The following DMD variants were observed in gnomAD, a reference collection of about 807,000 sequenced individuals.
DMD encodes dystrophin.
A neutral mutation model predicts 330.1 loss-of-function variants in DMD; 63 were observed. The observed-to-expected ratio is 0.19, with a 90% CI of 0.16 to 0.24. DMD has a LOEUF of 0.24. Ranked by LOEUF, DMD falls within the 10% of genes least tolerant of loss-of-function variation. DMD has a pLI of 1.00. For missense variants in DMD, 3,344 were observed against 2,684.1 expected (o/e 1.25, Z -5.43); for synonymous variants, 1,223 against 959.8 (o/e 1.27, Z -5.07).
rs1569292906 is a variant in DMD, at chrX:31,721,702, C to CCA, written c.7660+7928_7660+7929insTG. Among the ~76,000 whole-genome samples, 279 of 57,765 alleles carry CCA rather than the reference C, an allele frequency of 4.8e-3. 4 individuals carry two copies. The highest frequency in any genetic ancestry group is 0.022 in the African/African-American group (269 of 12,336). The allele number at this position is 57,765 out of a possible 115,157, so 50.2% of individuals were successfully genotyped here. A position where few individuals can be genotyped will look rare whatever the true frequency, so the allele number is the denominator to read the frequency against. ...TCTCTCTCACTCTCTCTCTCTCTCT[C>CCA]TCTCTCTCTCTCTCTCTATATATAT... On this transcript the variant is annotated intron_variant, in intron 52 of 78. Transcript: ENST00000357033.
intron 41 of DMD, among the ~76,000 whole-genome samples, chrX:32,312,722 A>G (rs1217625648): frequency 9.2e-6 from 1 of 108,240 alleles, no homozygotes; most frequent in South Asian, 4.2e-4. Context: ...AAGAGGCACA[A>G]TAAAAAATGA....
rs190816983 is a variant in DMD, at chrX:31,172,644, C to T, written c.10329-231G>A. Among the ~76,000 whole-genome samples, 3 of 111,761 alleles carry T rather than the reference C, an allele frequency of 2.7e-5. No individual in the cohort carries two copies. In the Admixed American group the frequency reaches 2.8e-4, roughly 11 times the overall value. On this transcript the variant is annotated intron_variant, in intron 72 of 78. Coordinates refer to ENST00000357033, the MANE Select transcript of DMD (RefSeq NM_004006.3). Reference sequence around the variant, plus strand: ...AGAAATTCTAAGGAAAGTTATATTTCACTGTTTTCCCCCTACAGATCAGTC... The same window carrying T: ...AGAAATTCTAAGGAAAGTTATATTTTACTGTTTTCCCCCTACAGATCAGTC...
rs751540414 is a variant in DMD at position 33,042,164 on chromosome X, C to G, written c.32-21964G>C. 6.3e-5 allele frequency among the ~76,000 whole-genome samples: 7 copies of G among 111,701 alleles called. No homozygotes were observed. The South Asian group carries it at 2.6e-3, about 42-fold the overall frequency. ...AAGAGAACTTTTGTAATTGTAACAACCTCTGCTATATGACTAAACACTGAG... is the reference window on the plus strand; with the variant it reads ...AAGAGAACTTTTGTAATTGTAACAAGCTCTGCTATATGACTAAACACTGAG... On this transcript the variant is annotated intron_variant, in intron 1 of 78. Coordinates refer to ENST00000357033, the MANE Select transcript of DMD (RefSeq NM_004006.3).
intron 43 of DMD, among the ~76,000 whole-genome samples, chrX:32,257,850 C>G (rs1427813820): frequency 9.0e-6 from 1 of 110,714 alleles, no homozygotes; most frequent in East Asian, 2.8e-4. Context: ...TTCTACACTG[C>G]AAAAGAAACT....
At position 31,169,428 on chromosome X, in the gene DMD, A is replaced by G. The variant is rs2039768022; in HGVS notation, c.10553+15T>C. On this transcript the variant is annotated intron_variant, in intron 74 of 78. Coordinates refer to ENST00000357033, the MANE Select transcript of DMD (RefSeq NM_004006.3). Reference sequence around the variant, plus strand: ...CACTCTGCATACCAATGACAAAGCTAGAAAGAAAACTCACCTGTTTTCTTC... The same window carrying G: ...CACTCTGCATACCAATGACAAAGCTGGAAAGAAAACTCACCTGTTTTCTTC... 8.4e-7 allele frequency: 1 copy of G among 1,189,175 alleles called. No homozygotes were observed.
At chrX:32,922,882 G>A (rs2088580148) in intron 2 of DMD, among the ~76,000 whole-genome samples, 1 of 112,244 alleles carries the variant, frequency 8.9e-6, no homozygotes, top group South Asian at 3.7e-4. Flanking sequence ...ATCTTACACT[G>A]TATTGTAGAG....
chrX:32,741,064 A>G (rs760144741), intron 7 of DMD, among the ~76,000 whole-genome samples: 1 of 111,747 alleles, frequency 8.9e-6, no homozygotes, highest in African/African-American at 3.2e-5. Flanking sequence ...CCTTTAGAAA[A>G]TAAGTGACTC....
intron 26 of DMD, among the ~76,000 whole-genome samples, 199 bp from the exon 27 acceptor site, chrX:32,448,837 A>G (rs1303770140): frequency 9.0e-6 from 1 of 111,241 alleles, no homozygotes; most frequent in Non-Finnish European, 1.9e-5. Context: ...AATTTATTAT[A>G]AGAATACAAC....
chrX:31,449,763 G>GATATATATATATATATATAT (rs59787771), intron 59 of DMD, among the ~76,000 whole-genome samples: 2 of 62,468 alleles, frequency 3.2e-5, no homozygotes, highest in Non-Finnish European at 6.2e-5. Flanking sequence ...TAAATGGTGT[G>GATATATATATATATATATAT]ATATATATAT....
At chrX:33,040,306 T>C (rs1167965859) in intron 1 of DMD, among the ~76,000 whole-genome samples, 1 of 110,265 alleles carries the variant, frequency 9.1e-6, no homozygotes, top group Non-Finnish European at 1.9e-5. Flanking sequence ...GAAGGAAAGA[T>C]ACTAAACTCT....
rs762180386 is a variant in DMD at position 31,898,053 on chromosome X, A to G, written c.6913-22680T>C. ...AGAGAATAAAATGCCTAGGAATCCA[A>G]CTTACAAGGGATGTGAAGGACCTCT... On this transcript the variant is annotated intron_variant, in intron 47 of 78. Coordinates refer to ENST00000357033, the MANE Select transcript of DMD (RefSeq NM_004006.3). Among the ~76,000 whole-genome samples the G allele has an allele frequency of 5.4e-5, 6 of 110,687 alleles. No individual in the cohort carries two copies. The East Asian group carries it at 1.4e-3, about 26-fold the overall frequency.
chrX:33,076,035 T>A (rs2094835330), intron 1 of DMD, among the ~76,000 whole-genome samples: 1 of 111,640 alleles, frequency 9.0e-6, no homozygotes, highest in African/African-American at 3.3e-5. Flanking sequence ...TTGTAAAGCC[T>A]AAGATCAGTG....
chrX:31,331,830 A>C (rs778782054), intron 61 of DMD, among the ~76,000 whole-genome samples: 2 of 112,365 alleles, frequency 1.8e-5, no homozygotes, highest in East Asian at 5.6e-4. Context: ...ATTAGGCACC[A>C]GGGAAATTTC....
chrX:32,198,592 T>A (rs1203346868), intron 44 of DMD, among the ~76,000 whole-genome samples: 1 of 111,988 alleles, frequency 8.9e-6, no homozygotes, highest in Non-Finnish European at 1.9e-5. Flanking sequence ...CCAGAATACT[T>A]TTTTAAAAAT....
chrX:31,586,506 A>G (rs1886373858), intron 55 of DMD, among the ~76,000 whole-genome samples: 1 of 112,981 alleles, frequency 8.9e-6, no homozygotes, highest in Non-Finnish European at 1.9e-5. Context: ...AATACACTGC[A>G]TTTAGTAAAC....
At chrX:32,537,949 T>C (rs2048143320) in intron 17 of DMD, among the ~76,000 whole-genome samples, 1 of 112,409 alleles carries the variant, frequency 8.9e-6, no homozygotes, top group Non-Finnish European at 1.9e-5. Flanking sequence ...GTTCTCAATA[T>C]AGTGCATTTC....
chrX:32,306,836 G>A (rs778371263), intron 42 of DMD, among the ~76,000 whole-genome samples: 1 of 110,987 alleles, frequency 9.0e-6, no homozygotes, highest in Non-Finnish European at 1.9e-5. Context: ...AAGACATTCT[G>A]CTCTACCATA....
At chrX:32,609,472 TA>T (rs1367494165) in intron 12 of DMD, among the ~76,000 whole-genome samples, 3 of 111,063 alleles carry the variant, frequency 2.7e-5, no homozygotes, top group Non-Finnish European at 5.7e-5. Flanking sequence ...CAAGACATCG[TA>T]AATGATTGGT....
At chrX:33,028,227 G>A (rs4345727) in intron 1 of DMD, among the ~76,000 whole-genome samples, 55,650 of 110,156 alleles carry the variant, frequency 0.51, 10,880 homozygotes, top group African/African-American at 0.73. Context: ...CATTCAAGAT[G>A]TGTTTACGGG....
Sources: gnomAD v4.1 joint callset for allele counts (sites outside exome capture counted in the v4.1 genomes callset) on GRCh38, gnomAD v4.1.1 for gene constraint, MANE v1.5 for transcripts, NCBI Gene and HGNC (gene_info 2026-07-23, HGNC 2026-07-21) for gene names.